DACH2: variants seen among roughly 807,000 people sequenced by gnomAD.
DACH2 encodes the protein dachshund homolog 2.
DACH2 carries 17 observed loss-of-function variants against 35.8 expected under a neutral mutation model. The ratio of observed to expected loss-of-function variants is 0.48; its 90% CI spans 0.33 to 0.71. The LOEUF is 0.71. DACH2 is among the 30% of genes least tolerant of loss of function. The pLI, the probability that DACH2 is intolerant of heterozygous loss-of-function variation, is 0.02. For missense variants in DACH2, 469 were observed against 472.7 expected (o/e 0.99, Z 0.07); for synonymous variants, 195 against 177.3 (o/e 1.10, Z -0.79).
In DACH2 at chrX:86,832,220, C is replaced by T. The variant is rs1214621489; in HGVS notation, c.*65C>T. 1.1e-6 allele frequency: 1 copy of T among 871,156 alleles called. No individual in the cohort carries two copies. Among genetic ancestry groups the T allele is most frequent in the Admixed American group, 2.5e-5 (1 of 40,437 alleles). 71.8% of individuals were successfully genotyped at this position (871,156 alleles called of 1,213,427 possible). On this transcript the variant is annotated 3_prime_UTR_variant, in exon 12 of 12. Coordinates refer to ENST00000373125, the MANE Select transcript of DACH2 (RefSeq NM_053281.3). ...ATTCCAGTTTATCTCTGAAACTATT[C>T]AACATGGAGTTATTTCAGTTTTGTT...
At chrX:86,623,516 T>TGGGTG (rs1213120446) in intron 3 of DACH2, among the ~76,000 whole-genome samples, 1 of 111,547 alleles carries the variant, frequency 9.0e-6, no homozygotes, top group Non-Finnish European at 1.9e-5. Context: ...TGTCTGAAGA[T>TGGGTG]GGGTGGGGAT....
intron 3 of DACH2, among the ~76,000 whole-genome samples, chrX:86,586,099 G>A (rs774275575): frequency 8.1e-4 from 90 of 111,292 alleles, no homozygotes; most frequent in African/African-American, 2.8e-3. Flanking sequence ...TTTAATAATA[G>A]CCAGTCTTGC....
chrX:86,751,850 A>G (rs56900626), intron 7 of DACH2, among the ~76,000 whole-genome samples: 5,604 of 111,951 alleles, frequency 0.05, 365 homozygotes, highest in African/African-American at 0.17. Context: ...CTGCCCATCA[A>G]CAGTGGATTG....
At chrX:86,614,132 T>A in intron 3 of DACH2, among the ~76,000 whole-genome samples, 1 of 111,958 alleles carries the variant, frequency 8.9e-6, no homozygotes, top group Non-Finnish European at 1.9e-5. Context: ...AAGAAAACAT[T>A]TTCTTTATTG....
chrX:86,277,241 T>C (rs2033933076), intron 1 of DACH2, among the ~76,000 whole-genome samples: 2 of 111,829 alleles, frequency 1.8e-5, no homozygotes, highest in Admixed American at 1.9e-4. Flanking sequence ...AGAGATTTTT[T>C]ACTTTTTTGA....
intron 6 of DACH2, among the ~76,000 whole-genome samples, chrX:86,728,278 A>G (rs1199817837): frequency 8.9e-6 from 1 of 112,279 alleles, no homozygotes; most frequent in Non-Finnish European, 1.9e-5. Context: ...TCTAAGCATC[A>G]AAGTGTTCAA....
At chrX:86,335,532 C>G (rs977206740) in intron 1 of DACH2, among the ~76,000 whole-genome samples, 1 of 111,434 alleles carries the variant, frequency 9.0e-6, no homozygotes, top group African/African-American at 3.3e-5. Context: ...AGGAACTTCA[C>G]TCATAATTTG....
intron 1 of DACH2, among the ~76,000 whole-genome samples, chrX:86,325,799 C>G (rs1337923919): frequency 8.9e-6 from 1 of 111,740 alleles, no homozygotes; most frequent in African/African-American, 3.3e-5. Context: ...AGAGTTTTGC[C>G]TTATAGATAG....
chrX:86,528,954 G>C (rs1215170732), intron 3 of DACH2, among the ~76,000 whole-genome samples: 2 of 112,276 alleles, frequency 1.8e-5, no homozygotes, highest in African/African-American at 6.5e-5. Context: ...TTCAGATCCT[G>C]TCTTGTAGCT....
intron 2 of DACH2, among the ~76,000 whole-genome samples, chrX:86,400,917 G>A (rs1171047746): frequency 8.9e-6 from 1 of 112,343 alleles, no homozygotes; most frequent in Non-Finnish European, 1.9e-5. Context: ...GTCAGACAGG[G>A]ACATTTAAGT....
intron 7 of DACH2, among the ~76,000 whole-genome samples, chrX:86,794,822 T>A (rs895332594): frequency 9.0e-6 from 1 of 111,547 alleles, no homozygotes; most frequent in Non-Finnish European, 1.9e-5. Flanking sequence ...CCCTCATAAT[T>A]TTTTAAAATA....
At chrX:86,420,895 G>T (rs2036790822) in intron 2 of DACH2, among the ~76,000 whole-genome samples, 2 of 111,083 alleles carry the variant, frequency 1.8e-5, no homozygotes, top group Admixed American at 1.9e-4. Flanking sequence ...TTTTAAAGAA[G>T]CTTGGTAGAT....
intron 1 of DACH2, among the ~76,000 whole-genome samples, chrX:86,269,659 T>C (rs1267148788): frequency 9.0e-6 from 1 of 111,438 alleles, no homozygotes; most frequent in Non-Finnish European, 1.9e-5. Flanking sequence ...AGAAGAGATA[T>C]ACAGAACTCA....
chrX:86,374,183 A>T (rs2035930731), intron 1 of DACH2, among the ~76,000 whole-genome samples: 1 of 111,023 alleles, frequency 9.0e-6, no homozygotes, highest in Non-Finnish European at 1.9e-5. Flanking sequence ...TACTAAACTG[A>T]CTGCAATCAA....
intron 1 of DACH2, among the ~76,000 whole-genome samples, chrX:86,345,130 C>A (rs1182897845): frequency 1.8e-5 from 2 of 111,510 alleles, no homozygotes; most frequent in African/African-American, 6.5e-5. Flanking sequence ...AGTGGTAATT[C>A]AAAGGCTTAA....
intron 4 of DACH2, among the ~76,000 whole-genome samples, chrX:86,688,543 G>A (rs1220744906): frequency 3.6e-5 from 4 of 111,847 alleles, no homozygotes; most frequent in Non-Finnish European, 7.5e-5. Flanking sequence ...ATCTTTGAGG[G>A]CAAGGGATTT....
At chrX:86,388,840 C>T (rs1002633932) in intron 2 of DACH2, among the ~76,000 whole-genome samples, 1 of 111,637 alleles carries the variant, frequency 9.0e-6, no homozygotes, top group Admixed American at 9.6e-5. Flanking sequence ...ACATTTTCCA[C>T]AGGTGTTGGT....
rs1292984661 is a variant in DACH2 at position 86,149,111 on chromosome X, G to A, written c.488+3G>A. 6.0e-6 allele frequency: 7 copies of A among 1,172,010 alleles called. No individual in the cohort carries two copies. Among genetic ancestry groups the A allele is most frequent in the Non-Finnish European group, 8.0e-6 (7 of 874,335 alleles). On this transcript the variant is annotated splice_donor_region_variant and intron_variant, in intron 1 of 11. Coordinates refer to ENST00000373125, the MANE Select transcript of DACH2 (RefSeq NM_053281.3). The stretch of plus-strand genomic sequence containing the variant: ...TTCACCGATTGCACCAATGCCAGGT[G>A]AGACACTCGTTTCTTGGCTCTCCCA...
intron 3 of DACH2, among the ~76,000 whole-genome samples, chrX:86,563,461 T>C (rs894562395): frequency 2.7e-5 from 3 of 110,980 alleles, no homozygotes; most frequent in South Asian, 3.7e-4. Context: ...GATCCAATAA[T>C]TGTAATATTG....
Sources: gnomAD v4.1 joint callset for allele counts (sites outside exome capture counted in the v4.1 genomes callset) on GRCh38, gnomAD v4.1.1 for gene constraint, MANE v1.5 for transcripts, NCBI Gene and HGNC (gene_info 2026-07-23, HGNC 2026-07-21) for gene names.